Variants in KCTD16 observed in about 807,000 individuals in gnomAD.
KCTD16 encodes the protein potassium channel tetramerization domain containing 16.
A neutral mutation model predicts 33.2 loss-of-function variants in KCTD16; 13 were observed. The ratio of observed to expected loss-of-function variants is 0.39; its 90% confidence interval spans 0.25 to 0.62. The LOEUF (loss-of-function observed/expected upper bound fraction) is 0.62. Ranked by LOEUF, KCTD16 falls within the 20% of genes least tolerant of loss-of-function variation. The pLI is 0.50. For synonymous variants in KCTD16, 197 were observed against 195.3 expected (o/e 1.01, Z -0.07); for missense variants, 441 against 525.1 (o/e 0.84, Z 1.57).
At chr5:144,359,426 C>T (rs1052736898) in intron 3 of KCTD16, among the ~76,000 whole-genome samples, 9 of 152,062 alleles carry the variant, frequency 5.9e-5, no homozygotes, top group African/African-American at 2.2e-4. Context: ...AAGTCACAGA[C>T]AGATTGAAAG....
chr5:144,274,042 TA>T (rs1755377529), intron 3 of KCTD16, among the ~76,000 whole-genome samples: 1 of 150,550 alleles, frequency 6.6e-6, no homozygotes, highest in South Asian at 2.1e-4. Context: ...TAAAATATAA[TA>T]AAAAATAGAA....
chr5:144,364,795 G>T (rs1324404646), intron 3 of KCTD16, among the ~76,000 whole-genome samples: 5 of 152,158 alleles, frequency 3.3e-5, no homozygotes, highest in Non-Finnish European at 7.4e-5. Flanking sequence ...ATAAACAGAT[G>T]AATCTTTCAT....
intron 3 of KCTD16, among the ~76,000 whole-genome samples, chr5:144,356,872 T>A (rs1008108104): frequency 2.0e-5 from 3 of 152,084 alleles, no homozygotes; most frequent in Non-Finnish European, 4.4e-5. Flanking sequence ...TCCCCTCTCT[T>A]GTCTTCATTT....
chr5:144,283,894 C>T (rs1229281902), intron 3 of KCTD16, among the ~76,000 whole-genome samples: 4 of 152,124 alleles, frequency 2.6e-5, no homozygotes, highest in Non-Finnish European at 5.9e-5. Flanking sequence ...AGAAATCTAA[C>T]AATATATTTG....
chr5:144,252,653 A>G (rs1754733224), intron 3 of KCTD16, among the ~76,000 whole-genome samples: 1 of 151,464 alleles, frequency 6.6e-6, no homozygotes, highest in East Asian at 1.9e-4. Context: ...ACTAAGAATC[A>G]TTCCATTGAG....
chr5:144,171,955 A>C (rs1227771893), intron 1 of KCTD16, among the ~76,000 whole-genome samples: 2 of 152,244 alleles, frequency 1.3e-5, no homozygotes. Flanking sequence ...TAATGAGCAG[A>C]ACTTTCTTCA....
intron 3 of KCTD16, among the ~76,000 whole-genome samples, chr5:144,438,539 G>T (rs1249546078): frequency 2.6e-5 from 4 of 152,138 alleles, no homozygotes; most frequent in Non-Finnish European, 4.4e-5. Context: ...GAGGAGGCGG[G>T]CTCATCCACT....
chr5:144,316,726 T>G (rs1198979039), intron 3 of KCTD16, among the ~76,000 whole-genome samples: 1 of 151,928 alleles, frequency 6.6e-6, no homozygotes, highest in Non-Finnish European at 1.5e-5. Context: ...TTAGTCAGGC[T>G]GGTCTCAAAT....
At chr5:144,294,543 G>A (rs1036238749) in intron 3 of KCTD16, among the ~76,000 whole-genome samples, 1 of 151,866 alleles carries the variant, frequency 6.6e-6, no homozygotes, top group Non-Finnish European at 1.5e-5. Flanking sequence ...ATATTAGCAT[G>A]TTATTTGACT....
In KCTD16 at chr5:144,482,589, G is replaced by A. The variant is rs536063356; in HGVS notation, c.*8475G>A. Reference sequence around the variant, plus strand: ...CAAGACAGGTCAAAAGCCCAAATGTGATTAACTGCCCTCAGCATCTCATTG... The same window carrying A: ...CAAGACAGGTCAAAAGCCCAAATGTAATTAACTGCCCTCAGCATCTCATTG... On this transcript the variant is annotated 3_prime_UTR_variant, in exon 4 of 4. Transcript: ENST00000512467. The A allele has an allele frequency of 6.6e-5, 10 of 151,954 alleles. No homozygotes were observed. Among genetic ancestry groups the A allele is most frequent in the South Asian group, 2.1e-4 (1 of 4,820 alleles). 9.4% of individuals were successfully genotyped at this position (151,954 alleles called of 1,614,324 possible).
intron 3 of KCTD16, among the ~76,000 whole-genome samples, chr5:144,382,742 A>G (rs776034491): frequency 6.6e-6 from 1 of 152,180 alleles, no homozygotes; most frequent in African/African-American, 2.4e-5. Context: ...TATTTAAAGC[A>G]TCTCTGGATC....
chr5:144,224,295 G>T (rs1448248970), intron 3 of KCTD16, among the ~76,000 whole-genome samples: 1 of 150,174 alleles, frequency 6.7e-6, no homozygotes, highest in Admixed American at 6.6e-5. Context: ...GACTTTAAAT[G>T]CTTTGTACCT....
intron 3 of KCTD16, among the ~76,000 whole-genome samples, chr5:144,401,197 A>T (rs1440994067): frequency 1.3e-5 from 2 of 152,326 alleles, no homozygotes; most frequent in East Asian, 3.9e-4. Context: ...AGGATGGGAT[A>T]TGTTGATTTT....
intron 3 of KCTD16, among the ~76,000 whole-genome samples, chr5:144,218,853 AT>A (rs1753644675): frequency 6.6e-6 from 1 of 152,246 alleles, no homozygotes; most frequent in South Asian, 2.1e-4. Flanking sequence ...TAAATTAATA[AT>A]ACCACATTTT....
intron 3 of KCTD16, among the ~76,000 whole-genome samples, chr5:144,423,318 G>T (rs576882105): frequency 6.6e-6 from 1 of 152,208 alleles, no homozygotes; most frequent in South Asian, 2.1e-4. Context: ...TGACATAATT[G>T]GTTTTATGCT....
At chr5:144,198,702 TTCA>T (rs1455631852) in intron 2 of KCTD16, among the ~76,000 whole-genome samples, 2 of 152,246 alleles carry the variant, frequency 1.3e-5, no homozygotes, top group African/African-American at 4.8e-5. Flanking sequence ...CTTTCTTCTA[TTCA>T]TCATCCTTTG....
intron 3 of KCTD16, among the ~76,000 whole-genome samples, chr5:144,434,340 T>C (rs1334537116): frequency 6.6e-6 from 1 of 152,136 alleles, no homozygotes; most frequent in East Asian, 1.9e-4. Context: ...TTTTAGTTGA[T>C]GAATTAATAG....
chr5:144,263,873 G>A (rs755245423), intron 3 of KCTD16, among the ~76,000 whole-genome samples: 17 of 152,198 alleles, frequency 1.1e-4, no homozygotes, highest in Non-Finnish European at 2.4e-4. Context: ...ATCCTTTCTT[G>A]CAGGCAGCTA....
chr5:144,171,038 A>T (rs1752370270), intron 1 of KCTD16, 29 bp downstream of exon 1: 1 of 152,240 alleles, frequency 6.6e-6, no homozygotes, highest in Non-Finnish European at 1.5e-5. Flanking sequence ...TTACAACCTA[A>T]TGAGATGGTT....
Sources: allele counts gnomAD v4.1 joint callset (sites outside exome capture counted in the v4.1 genomes callset), GRCh38; gene constraint gnomAD v4.1.1; transcripts MANE v1.5; gene names NCBI Gene and HGNC (gene_info 2026-07-23, HGNC 2026-07-21).